Variants in GRIK2 observed in about 807,000 individuals in gnomAD.
GRIK2 encodes glutamate ionotropic receptor kainate type subunit 2, also known as glutamate receptor ionotropic, kainate 2.
Under a neutral mutation model 100.3 loss-of-function variants are expected in GRIK2, and 32 were observed. The ratio of observed to expected loss-of-function variants is 0.32; its 90% CI spans 0.24 to 0.43. The LOEUF is 0.43. GRIK2 is among the 20% of genes least tolerant of loss of function. The pLI is 1.00. For synonymous variants in GRIK2, 417 were observed against 389.4 expected (o/e 1.07, Z -0.83); for missense variants, 843 against 1,114.9 (o/e 0.76, Z 3.47).
At chr6:101,991,197 T>C (rs1582679150) in intron 14 of GRIK2, among the ~76,000 whole-genome samples, 1 of 151,886 alleles carries the variant, frequency 6.6e-6, no homozygotes, top group East Asian at 1.9e-4. Flanking sequence ...ATTTCACTCT[T>C]TATTGAGACT....
intron 2 of GRIK2, among the ~76,000 whole-genome samples, chr6:101,540,228 G>A (rs1464548926): frequency 6.6e-6 from 1 of 151,866 alleles, no homozygotes; most frequent in Admixed American, 6.6e-5. Flanking sequence ...TAAAAAGACT[G>A]CTTGATAGTG....
chr6:101,615,147 T>G (rs1779836403), intron 2 of GRIK2, among the ~76,000 whole-genome samples: 1 of 151,724 alleles, frequency 6.6e-6, no homozygotes, highest in African/African-American at 2.4e-5. Flanking sequence ...TCTCCTTCTT[T>G]TTTTCTTCTT....
At chr6:102,015,483 G>A (rs1007639357) in intron 14 of GRIK2, among the ~76,000 whole-genome samples, 2 of 152,080 alleles carry the variant, frequency 1.3e-5, no homozygotes, top group African/African-American at 4.8e-5. Flanking sequence ...TCCTACACCA[G>A]AGCCCTGCCC....
chr6:101,792,459 A>G (rs1201075164), intron 7 of GRIK2, among the ~76,000 whole-genome samples: 3 of 150,760 alleles, frequency 2.0e-5, no homozygotes, highest in Admixed American at 1.3e-4. Context: ...TTTCTCCTTC[A>G]CTTATGAAGC....
intron 2 of GRIK2, among the ~76,000 whole-genome samples, chr6:101,577,162 CA>C (rs149982825): frequency 1.3e-4 from 18 of 143,840 alleles, no homozygotes; most frequent in East Asian, 6.1e-4. Flanking sequence ...CATATGGATA[CA>C]AAAAAAAAAC....
chr6:101,773,700 T>C (rs1245565317), intron 7 of GRIK2, among the ~76,000 whole-genome samples: 1 of 152,160 alleles, frequency 6.6e-6, no homozygotes, highest in African/African-American at 2.4e-5. Flanking sequence ...AGCTTTATAA[T>C]TCATACTTTT....
At chr6:102,045,743 CAA>C (rs1267394868) in intron 15 of GRIK2, among the ~76,000 whole-genome samples, 4 of 151,754 alleles carry the variant, frequency 2.6e-5, no homozygotes, top group African/African-American at 9.7e-5. Context: ...ACACACATAC[CAA>C]GAGAGCATAT....
At chr6:101,425,679 A>G (rs1340906083) in intron 2 of GRIK2, among the ~76,000 whole-genome samples, 1 of 152,192 alleles carries the variant, frequency 6.6e-6, no homozygotes, top group Non-Finnish European at 1.5e-5. Context: ...ATCACAGGCC[A>G]ATTCAAATTT....
At chr6:101,436,458 G>A (rs1305232074) in intron 2 of GRIK2, among the ~76,000 whole-genome samples, 1 of 151,906 alleles carries the variant, frequency 6.6e-6, no homozygotes, top group Non-Finnish European at 1.5e-5. Flanking sequence ...CATTTGCCTT[G>A]TAAGAAAAAT....
At chr6:101,475,298 C>A (rs1051641775) in intron 2 of GRIK2, among the ~76,000 whole-genome samples, 2 of 151,844 alleles carry the variant, frequency 1.3e-5, no homozygotes, top group African/African-American at 4.8e-5. Context: ...ACTTGGTGAG[C>A]AAGCACATCA....
At chr6:101,709,110 A>G (rs1272171774) in intron 7 of GRIK2, among the ~76,000 whole-genome samples, 1 of 151,884 alleles carries the variant, frequency 6.6e-6, no homozygotes, top group African/African-American at 2.4e-5. Context: ...AGGCACACAC[A>G]CAAGGAGAGC....
chr6:101,912,565 T>C (rs982679068), intron 12 of GRIK2, among the ~76,000 whole-genome samples: 1 of 151,596 alleles, frequency 6.6e-6, no homozygotes, highest in Non-Finnish European at 1.5e-5. Context: ...GTGCTTTCAT[T>C]GATAGCCAAA....
intron 10 of GRIK2, among the ~76,000 whole-genome samples, chr6:101,829,940 T>A (rs1016580151): frequency 6.6e-6 from 1 of 151,876 alleles, no homozygotes; most frequent in Non-Finnish European, 1.5e-5. Flanking sequence ...AAAATTCATA[T>A]TGAAACAAAA....
chr6:101,599,084 T>C lies in GRIK2; in HGVS notation c.116-22865T>C, dbSNP rs1258222864. Among the ~76,000 whole-genome samples the C allele has an allele frequency of 1.1e-4, 17 of 151,632 alleles. No homozygotes were observed. The Admixed American group carries it at 1.1e-3, about 10-fold the overall frequency. The stretch of plus-strand genomic sequence containing the variant: ...CCCTTCCCTCCCTCCATCCCCACTC[T>C]AGTAGTTCCCAGTGTCTATTGCTTC... On this transcript the variant is annotated intron_variant, in intron 2 of 16. Coordinates refer to ENST00000369134, the MANE Select transcript of GRIK2 (RefSeq NM_021956.5).
chr6:101,608,811 G>GTA (rs1562258461), intron 2 of GRIK2, among the ~76,000 whole-genome samples: 2 of 98,126 alleles, frequency 2.0e-5, no homozygotes, highest in African/African-American at 7.7e-5. Context: ...GTGTGTGTGT[G>GTA]TGTATGTATG....
chr6:101,575,349 T>A (rs1777743614), intron 2 of GRIK2, among the ~76,000 whole-genome samples: 1 of 151,916 alleles, frequency 6.6e-6, no homozygotes, highest in Non-Finnish European at 1.5e-5. Context: ...TTAATTAACA[T>A]GGGCAGAAAA....
At chr6:101,559,205 T>G (rs2128294934) in intron 2 of GRIK2, among the ~76,000 whole-genome samples, 1 of 152,294 alleles carries the variant, frequency 6.6e-6, no homozygotes, top group Non-Finnish European at 1.5e-5. Flanking sequence ...TCTCCAGTTT[T>G]TTTTTATACC....
At chr6:101,744,202 A>T (rs1039022464) in intron 7 of GRIK2, among the ~76,000 whole-genome samples, 1 of 151,836 alleles carries the variant, frequency 6.6e-6, no homozygotes, top group Admixed American at 6.6e-5. Context: ...TCGGCCTCCC[A>T]AAGTTCTGGG....
chr6:101,709,892 A>T (rs1351539642), intron 7 of GRIK2, among the ~76,000 whole-genome samples: 1 of 151,816 alleles, frequency 6.6e-6, no homozygotes, highest in African/African-American at 2.4e-5. Flanking sequence ...TAGAAGCCTG[A>T]GAATTCTTGC....
Sources: allele counts gnomAD v4.1 joint callset (sites outside exome capture counted in the v4.1 genomes callset), GRCh38; gene constraint gnomAD v4.1.1; transcripts MANE v1.5; gene names NCBI Gene and HGNC (gene_info 2026-07-23, HGNC 2026-07-21).